BRF1: variants seen among roughly 807,000 people sequenced by gnomAD.
BRF1 encodes the protein BRF1 general transcription factor IIIB subunit.
BRF1 carries 59 observed loss-of-function variants against 81.7 expected under a neutral mutation model. The ratio of observed to expected loss-of-function variants is 0.72; its 90% CI spans 0.59 to 0.90. The LOEUF is 0.90. Among genes scored for constraint, BRF1 ranks in the 40% least tolerant of loss-of-function variants. BRF1 has a pLI of 0.00. For synonymous variants in BRF1, 491 were observed against 395.6 expected (o/e 1.24, Z -2.86); for missense variants, 1,050 against 936.3 (o/e 1.12, Z -1.58).
At chr14:105,275,916 G>A (rs949411587) in intron 2 of BRF1, among the ~76,000 whole-genome samples, 8 of 152,132 alleles carry the variant, frequency 5.3e-5, no homozygotes, top group African/African-American at 1.7e-4. Flanking sequence ...GTGAGAAGGA[G>A]CTGAGAGGCG....
chr14:105,243,567 G>A (rs2054868954), intron 5 of BRF1, among the ~76,000 whole-genome samples: 2 of 149,896 alleles, frequency 1.3e-5, no homozygotes, highest in Admixed American at 1.3e-4. Flanking sequence ...GCAGTGAGCT[G>A]TGATTGCACC....
At chr14:105,229,629 C>G (rs587754730) in intron 6 of BRF1, among the ~76,000 whole-genome samples, 1 of 151,078 alleles carries the variant, frequency 6.6e-6, no homozygotes, top group African/African-American at 2.4e-5. Flanking sequence ...CTAGAACAGT[C>G]GCCCAGCTGG....
At chr14:105,248,502 G>A in intron 5 of BRF1, 2 of 982,848 alleles carry the variant, frequency 2.0e-6, no homozygotes, top group Non-Finnish European at 2.4e-6. Context: ...GGGCCGCGAG[G>A]CAGCGACGTC....
intron 8 of BRF1, 132 bp downstream of exon 8, chr14:105,226,502 C>G: frequency 6.6e-7 from 1 of 1,518,628 alleles, no homozygotes; most frequent in African/African-American, 1.4e-5. Flanking sequence ...CGGGCTCTGG[C>G]TGGTCATAGC....
chr14:105,273,613 A>C (rs1595441922), intron 2 of BRF1, among the ~76,000 whole-genome samples: 1 of 152,152 alleles, frequency 6.6e-6, no homozygotes, highest in Non-Finnish European at 1.5e-5. Flanking sequence ...CTTTGCCCCA[A>C]CCTGGAGCTC....
At chr14:105,217,438 C>G in intron 15 of BRF1, 106 bp downstream of exon 15, 1 of 1,529,658 alleles carries the variant, frequency 6.5e-7, no homozygotes, top group Non-Finnish European at 8.8e-7. Flanking sequence ...ACTCCAGGCA[C>G]TTCTGTGGCC....
rs148552446 is a variant in BRF1 at position 105,293,890 on chromosome 14, T to C, written c.184+6556A>G. ...AACTGCGAAGCTGTATCAGGCTTAG[T>C]TCTCAATTAATAGGCAAAACACCTA... On this transcript the variant is annotated intron_variant, in intron 1 of 17. Coordinates refer to ENST00000547530, the MANE Select transcript of BRF1 (RefSeq NM_001519.4). Among the ~76,000 whole-genome samples, 571 of 152,292 alleles carry C rather than the reference T, an allele frequency of 3.7e-3. 2 individuals carry two copies. The highest frequency in any genetic ancestry group is 0.013 in the African/African-American group (536 of 41,552).
At chr14:105,229,677 G>T (rs1386855722) in intron 6 of BRF1, among the ~76,000 whole-genome samples, 61 of 149,182 alleles carry the variant, frequency 4.1e-4, no homozygotes, top group South Asian at 6.4e-4. Context: ...GGCACCCTCA[G>T]GAGCAACAAC....
chr14:105,314,958 G>T, intron 1 of BRF1: 1 of 1,193,822 alleles, frequency 8.4e-7, no homozygotes, highest in East Asian at 5.9e-5. Context: ...CGGCGCGCCC[G>T]GCGCGCTCAA....
intron 5 of BRF1, chr14:105,248,794 G>A (rs2055345417): frequency 1.0e-6 from 1 of 983,160 alleles, no homozygotes; most frequent in Non-Finnish European, 1.2e-6. Context: ...CCGCTCCCGA[G>A]GCCCCGGCGC....
rs1893069982 is a variant in BRF1 at position 105,226,276 on chromosome 14, C to G, written c.930G>C (p.Leu310=). Residue 310 remains leucine, a synonymous_variant, in exon 9 of 18, where the codon CTG becomes CTC. Transcript: ENST00000547530. ...CTTCAACCTCCTCCAGTTTTTTTGACAGGACTTGTTCAAGCTGAAAGGGAA... is the reference window on the plus strand; with the variant it reads ...CTTCAACCTCCTCCAGTTTTTTTGAGAGGACTTGTTCAAGCTGAAAGGGAA... ...KLRMKQLEQV[L]SKKLEEVEGE... is the part of the protein sequence containing the mutation. 2 of 1,613,916 alleles carry G rather than the reference C, an allele frequency of 1.2e-6. No individual in the cohort carries two copies. The highest frequency in any genetic ancestry group is 8.5e-7 in the Non-Finnish European group (1 of 1,180,034).
chr14:105,211,288 C>T lies in BRF1; in HGVS notation c.1830G>A (p.Leu610=). Residue 610 remains leucine (L), a synonymous_variant, in exon 17 of 18, where the codon TTG becomes TTA. Transcript: ENST00000547530. Reference sequence around the variant, plus strand: ...CTCCGAGGGTGGGAGAGCTTGGGAGCAAAGCCTGGAACGAAGTGGGGCTCT... The same window carrying T: ...CTCCGAGGGTGGGAGAGCTTGGGAGTAAAGCCTGGAACGAAGTGGGGCTCT... The part of the protein sequence containing the change: ...PAKKVATGEA[L]LPSSPTLGAE... The T allele has an allele frequency of 6.3e-7, 1 of 1,596,030 alleles. No individual in the cohort carries two copies. The highest frequency in any genetic ancestry group is 1.3e-5 in the African/African-American group (1 of 74,716).
intron 3 of BRF1, among the ~76,000 whole-genome samples, chr14:105,260,875 G>A (rs1352575118): frequency 6.6e-6 from 1 of 152,220 alleles, no homozygotes; most frequent in African/African-American, 2.4e-5. Flanking sequence ...CTTCCCTTGT[G>A]AGGATATCAC....
rs1309534218 is a variant in BRF1, at chr14:105,210,348, A to C, written c.*203T>G. 1.6e-6 allele frequency: 1 copy of C among 611,650 alleles called. No individual in the cohort carries two copies. The highest frequency in any genetic ancestry group is 2.9e-6 in the Non-Finnish European group (1 of 348,438). 37.9% of individuals were successfully genotyped at this position (611,650 alleles called of 1,614,324 possible). ...CCCACATCTGATCACACACATGCAG[A>C]CGCTTGGTCCGGTTTCCCTTGCTGA... On this transcript the variant is annotated 3_prime_UTR_variant, in exon 18 of 18. Transcript: ENST00000547530. The surrounding 1 kb of genome is among the most constrained non-coding windows in gnomAD (Gnocchi z 4.7).
At chr14:105,241,077 C>T (rs1052666262) in intron 6 of BRF1, among the ~76,000 whole-genome samples, 188 bp downstream of exon 6, 5 of 152,216 alleles carry the variant, frequency 3.3e-5, no homozygotes, top group African/African-American at 9.6e-5. Flanking sequence ...CAGAGGCCAA[C>T]GGGGCAGCCA....
At chr14:105,241,522 C>G in intron 5 of BRF1, 108 bp from the exon 6 acceptor site, 1 of 1,397,168 alleles carries the variant, frequency 7.2e-7, no homozygotes, top group South Asian at 1.3e-5. Flanking sequence ...TTTCCAGGCC[C>G]CCAGGCCCCC....
intron 8 of BRF1, 101 bp downstream of exon 8, chr14:105,226,533 C>T (rs1479877804): frequency 1.3e-5 from 20 of 1,573,622 alleles, no homozygotes; most frequent in East Asian, 1.1e-4. Context: ...GGCTATGAGG[C>T]TTTGGGATGG....
intron 1 of BRF1, 122 bp from the exon 2 acceptor site, chr14:105,286,498 C>T (rs2057321414): frequency 4.0e-6 from 4 of 992,852 alleles, no homozygotes; most frequent in Non-Finnish European, 4.6e-6. Flanking sequence ...GGGGAAGCAG[C>T]AGGTCGGCCC....
intron 6 of BRF1, among the ~76,000 whole-genome samples, chr14:105,229,466 G>T (rs2054362458): frequency 6.6e-6 from 1 of 152,224 alleles, no homozygotes; most frequent in Non-Finnish European, 1.5e-5. Flanking sequence ...CGAGGGTAAG[G>T]GCCCGGATGA....
Sources: allele counts gnomAD v4.1 joint callset (sites outside exome capture counted in the v4.1 genomes callset), GRCh38; gene constraint gnomAD v4.1.1; non-coding constraint Gnocchi (gnomAD v3.1); transcripts MANE v1.5; gene names NCBI Gene and HGNC (gene_info 2026-07-23, HGNC 2026-07-21).